GPC6: variants seen among roughly 807,000 people sequenced by gnomAD.
GPC6 encodes glypican-6.
A neutral mutation model predicts 55.2 loss-of-function variants in GPC6; 14 were observed. The ratio of observed to expected loss-of-function variants is 0.25; its 90% CI spans 0.17 to 0.40. The LOEUF (loss-of-function observed/expected upper bound fraction) is 0.40, where lower values mean the gene tolerates loss of function less well. Ranked by LOEUF, GPC6 falls within the 10% of genes least tolerant of loss-of-function variation. The pLI, the probability that GPC6 is intolerant of heterozygous loss-of-function variation, is 1.00. For synonymous variants in GPC6, 278 were observed against 259.6 expected (o/e 1.07, Z -0.68); for missense variants, 641 against 708.5 (o/e 0.90, Z 1.08).
chr13:93,391,091 A>G (rs1428233544), intron 1 of GPC6, among the ~76,000 whole-genome samples: 1 of 152,164 alleles, frequency 6.6e-6, no homozygotes, highest in African/African-American at 2.4e-5. Flanking sequence ...CAAGTTTGTT[A>G]TAATGATATA....
At position 94,232,528 on chromosome 13, in the gene GPC6, G is replaced by GT. The variant is rs140919157; in HGVS notation, c.878-53813dup. Among the ~76,000 whole-genome samples the GT allele has an allele frequency of 1.0e-4, 15 of 150,706 alleles. 1 individual carries two copies. The South Asian group carries it at 1.9e-3, about 19-fold the overall frequency. On this transcript the variant is annotated intron_variant, in intron 4 of 8. Coordinates refer to ENST00000377047, the MANE Select transcript of GPC6 (RefSeq NM_005708.5). ...GCAATTGCCCCCCTTCAGGAGGTGGGTTTTTTTTGGGGGGGTGGGGCAGGG... is the reference window on the plus strand; with the variant it reads ...GCAATTGCCCCCCTTCAGGAGGTGGGTTTTTTTTTGGGGGGGTGGGGCAGGG...
intron 6 of GPC6, among the ~76,000 whole-genome samples, chr13:94,342,116 C>A (rs1201714403): frequency 6.6e-6 from 1 of 152,216 alleles, no homozygotes; most frequent in African/African-American, 2.4e-5. Context: ...CTCCCAGATG[C>A]TTCTTCTCAC....
intron 1 of GPC6, among the ~76,000 whole-genome samples, chr13:93,455,687 T>C (rs1878423981): frequency 6.6e-6 from 1 of 152,070 alleles, no homozygotes; most frequent in Non-Finnish European, 1.5e-5. Context: ...GGAATTATTA[T>C]GGTTGAATTG....
chr13:94,402,560 C>G (rs1035620832), intron 8 of GPC6, among the ~76,000 whole-genome samples: 2 of 152,146 alleles, frequency 1.3e-5, no homozygotes, highest in East Asian at 3.9e-4. Context: ...CCACCATGCC[C>G]CATATCTGCT....
At chr13:93,221,543 T>C in the GPC6 span, among the ~76,000 whole-genome samples, 1 of 152,322 alleles carries the variant, frequency 6.6e-6, no homozygotes. Context: ...GCCCTAAAGA[T>C]ATAATTTTAA....
At chr13:93,791,027 G>T (rs530867828) in intron 2 of GPC6, among the ~76,000 whole-genome samples, 9 of 152,252 alleles carry the variant, frequency 5.9e-5, no homozygotes, top group African/African-American at 2.2e-4. Context: ...AACCATGGAG[G>T]AGCCTCAACC....
At chr13:93,919,778 T>C (rs530173769) in intron 3 of GPC6, among the ~76,000 whole-genome samples, 1 of 152,346 alleles carries the variant, frequency 6.6e-6, no homozygotes, top group Non-Finnish European at 1.5e-5. Flanking sequence ...ATTTCTGTTT[T>C]TCATGTTCAA....
intron 1 of GPC6, among the ~76,000 whole-genome samples, chr13:93,462,188 G>A (rs989704931): frequency 1.3e-5 from 2 of 152,162 alleles, no homozygotes; most frequent in African/African-American, 2.4e-5. Context: ...TCTGTTGGAT[G>A]AGATTCAAAA....
At chr13:94,185,258 G>GAA (rs759584811) in intron 4 of GPC6, among the ~76,000 whole-genome samples, 9 of 56,512 alleles carry the variant, frequency 1.6e-4, no homozygotes, top group Non-Finnish European at 2.6e-4. Context: ...AATAAAAGTT[G>GAA]AAAAAAAAAA....
chr13:93,479,917 A>T (rs906558836), intron 1 of GPC6, among the ~76,000 whole-genome samples: 3 of 152,234 alleles, frequency 2.0e-5, no homozygotes, highest in Admixed American at 6.5e-5. Flanking sequence ...GGTTTAATTC[A>T]TTCTGGAAAC....
chr13:93,976,574 C>T (rs528449828), intron 3 of GPC6, among the ~76,000 whole-genome samples: 110 of 150,912 alleles, frequency 7.3e-4, no homozygotes, highest in African/African-American at 2.5e-3. Flanking sequence ...TTTGAGAGAT[C>T]GCTTCTTAAT....
At chr13:94,354,668 C>T (rs1566711978) in intron 6 of GPC6, among the ~76,000 whole-genome samples, 1 of 152,182 alleles carries the variant, frequency 6.6e-6, no homozygotes, top group Non-Finnish European at 1.5e-5. Context: ...CTGAATGAAT[C>T]GATATGCAAA....
intron 4 of GPC6, among the ~76,000 whole-genome samples, chr13:94,207,613 T>C (rs778118575): frequency 1.3e-5 from 2 of 152,232 alleles, no homozygotes; most frequent in Non-Finnish European, 2.9e-5. Context: ...TAATTAATGC[T>C]TCTTTAATTT....
intron 6 of GPC6, among the ~76,000 whole-genome samples, chr13:94,317,739 G>C (rs1594163135): frequency 6.6e-6 from 1 of 152,088 alleles, no homozygotes; most frequent in Non-Finnish European, 1.5e-5. Context: ...CTTTCTCCAT[G>C]ATTTTGGAGA....
chr13:93,524,987 C>G (rs906649634), intron 1 of GPC6, among the ~76,000 whole-genome samples: 2 of 152,004 alleles, frequency 1.3e-5, no homozygotes, highest in Non-Finnish European at 2.9e-5. Flanking sequence ...TGTAAATGGT[C>G]AAGACCTTCT....
At chr13:93,738,139 G>GTGCTTCA (rs1469958036) in intron 2 of GPC6, among the ~76,000 whole-genome samples, 3 of 152,198 alleles carry the variant, frequency 2.0e-5, no homozygotes, top group Admixed American at 2.0e-4. Context: ...GAAAATGCTA[G>GTGCTTCA]TGCTTCATGT....
intron 1 of GPC6, among the ~76,000 whole-genome samples, chr13:93,287,638 A>G (rs1050200165): frequency 6.6e-6 from 1 of 152,234 alleles, no homozygotes; most frequent in Non-Finnish European, 1.5e-5. Flanking sequence ...TATAAAACAC[A>G]TCAAACTATT....
intron 1 of GPC6, among the ~76,000 whole-genome samples, chr13:93,491,838 C>A (rs1281274139): frequency 1.7e-5 from 2 of 116,294 alleles, no homozygotes; most frequent in African/African-American, 6.3e-5. Context: ...TGTAGGTATG[C>A]GGCGTTATTT....
At chr13:93,283,522 T>C (rs1179114713) in intron 1 of GPC6, among the ~76,000 whole-genome samples, 1 of 152,074 alleles carries the variant, frequency 6.6e-6, no homozygotes, top group African/African-American at 2.4e-5. Context: ...ATATGACAAA[T>C]GGTCTCACCC....
Sources: gnomAD v4.1 joint callset for allele counts (sites outside exome capture counted in the v4.1 genomes callset) on GRCh38, gnomAD v4.1.1 for gene constraint, MANE v1.5 for transcripts, NCBI Gene and HGNC (gene_info 2026-07-23, HGNC 2026-07-21) for gene names.